The following CCSER1 variants were observed in gnomAD, a reference collection of about 807,000 sequenced individuals.
CCSER1 encodes the protein coiled-coil serine rich protein 1.
Under a neutral mutation model 82.0 loss-of-function variants are expected in CCSER1, and 41 were observed. That is an observed-to-expected ratio of 0.50 (90% CI 0.39 to 0.65). CCSER1 has a LOEUF of 0.65. CCSER1 is among the 30% of genes least tolerant of loss of function. CCSER1 has a pLI of 0.00. For synonymous variants in CCSER1, 414 were observed against 383.9 expected, an observed-to-expected ratio of 1.08 and a Z score of -0.92; for missense variants, 1,119 against 1,064.2, an observed-to-expected ratio of 1.05 and a Z score of -0.72.
At chr4:90,470,776 A>C (rs905884473) in intron 5 of CCSER1, among the ~76,000 whole-genome samples, 5 of 150,824 alleles carry the variant, frequency 3.3e-5, no homozygotes, top group Non-Finnish European at 5.9e-5. Flanking sequence ...AAAAAAAAAA[A>C]AAAAACAAAA....
chr4:91,296,657 T>C (rs1240615405), intron 10 of CCSER1, among the ~76,000 whole-genome samples: 1 of 149,812 alleles, frequency 6.7e-6, no homozygotes, highest in Non-Finnish European at 1.5e-5. Flanking sequence ...GTAAGATAAA[T>C]ATATATGTAC....
chr4:91,116,502 T>C (rs1327481337), intron 10 of CCSER1, among the ~76,000 whole-genome samples: 1 of 152,212 alleles, frequency 6.6e-6, no homozygotes, highest in African/African-American at 2.4e-5. Context: ...GAAACAGTAA[T>C]GAGCCTCAGT....
At chr4:90,423,203 C>A (rs1756980416) in intron 4 of CCSER1, among the ~76,000 whole-genome samples, 2 of 151,328 alleles carry the variant, frequency 1.3e-5, no homozygotes, top group Non-Finnish European at 2.9e-5. Flanking sequence ...TCAATTTTAC[C>A]AGGTGGTTCT....
At chr4:91,311,014 A>T (rs143938601) in intron 10 of CCSER1, among the ~76,000 whole-genome samples, 1 of 151,990 alleles carries the variant, frequency 6.6e-6, no homozygotes, top group African/African-American at 2.4e-5. Context: ...CTGCTTATGT[A>T]TAACTATTTC....
At chr4:90,133,122 A>G in intron 1 of CCSER1, among the ~76,000 whole-genome samples, 1 of 152,166 alleles carries the variant, frequency 6.6e-6, no homozygotes, top group East Asian at 1.9e-4. Context: ...TAGAGTAAAA[A>G]CTGAAGGCTA....
chr4:90,182,728 T>C (rs539531084), intron 1 of CCSER1, among the ~76,000 whole-genome samples: 12 of 152,256 alleles, frequency 7.9e-5, no homozygotes, highest in African/African-American at 2.9e-4. Context: ...AGAGGAAAGA[T>C]TGACTTTTGA....
intron 10 of CCSER1, among the ~76,000 whole-genome samples, chr4:91,510,915 A>T (rs1308497118): frequency 1.3e-5 from 2 of 152,182 alleles, no homozygotes; most frequent in Admixed American, 6.6e-5. Flanking sequence ...GCCAATTTCC[A>T]GAATGGTGTG....
chr4:91,356,297 G>A (rs994207021), intron 10 of CCSER1, among the ~76,000 whole-genome samples: 4 of 152,224 alleles, frequency 2.6e-5, no homozygotes, highest in Non-Finnish European at 5.9e-5. Context: ...GGGCCGACAT[G>A]CGTTTTTCTT....
intron 7 of CCSER1, among the ~76,000 whole-genome samples, chr4:90,740,848 A>T (rs1391316155): frequency 2.6e-5 from 4 of 152,136 alleles, no homozygotes; most frequent in Non-Finnish European, 5.9e-5. Flanking sequence ...ATATTGGGTC[A>T]TAGTCTGTTT....
At chr4:90,333,296 G>A (rs1026804768) in intron 3 of CCSER1, among the ~76,000 whole-genome samples, 4 of 152,058 alleles carry the variant, frequency 2.6e-5, no homozygotes, top group South Asian at 4.2e-4. Flanking sequence ...AGTTGTAACC[G>A]GGAGTGGTTC....
At chr4:91,400,080 G>T (rs556164932) in intron 10 of CCSER1, among the ~76,000 whole-genome samples, 1 of 152,074 alleles carries the variant, frequency 6.6e-6, no homozygotes, top group Non-Finnish European at 1.5e-5. Flanking sequence ...CTTACATCAT[G>T]CTAGGGCTAA....
chr4:90,979,481 G>T (rs557639723), intron 9 of CCSER1, among the ~76,000 whole-genome samples: 1 of 151,710 alleles, frequency 6.6e-6, no homozygotes, highest in African/African-American at 2.4e-5. Flanking sequence ...TGTTTATATG[G>T]TGTGTGGCTT....
At chr4:91,417,493 A>G (rs1294767074) in intron 10 of CCSER1, among the ~76,000 whole-genome samples, 2 of 152,196 alleles carry the variant, frequency 1.3e-5, no homozygotes, top group African/African-American at 4.8e-5. Flanking sequence ...CATATATACC[A>G]TGGAATACTA....
chr4:91,226,593 G>A (rs1000450020), intron 10 of CCSER1, among the ~76,000 whole-genome samples: 4 of 151,828 alleles, frequency 2.6e-5, no homozygotes, highest in African/African-American at 7.2e-5. Context: ...TAATGGAATC[G>A]TATATGCTAA....
intron 9 of CCSER1, among the ~76,000 whole-genome samples, chr4:90,971,721 A>T (rs1735127241): frequency 6.6e-6 from 1 of 151,940 alleles, no homozygotes; most frequent in South Asian, 2.1e-4. Flanking sequence ...AAAGACAACC[A>T]CAGGCAAATA....
Position 91,210,076 on chromosome 4 carries a change from A to T in CCSER1, c.2217+124082A>T, listed in dbSNP as rs575815123. Among the ~76,000 whole-genome samples the T allele has an allele frequency of 4.6e-5, 7 of 151,830 alleles. No homozygotes were observed. The East Asian group carries it at 1.4e-3, about 29-fold the overall frequency. ...ATCTGGAATATCTTATTATGTCACC[A>T]AGTGAAGATGTGCTCAAAGGATGAT... On this transcript the variant is annotated intron_variant, in intron 10 of 10. Coordinates refer to ENST00000509176, the MANE Select transcript of CCSER1 (RefSeq NM_001145065.2).
At chr4:90,442,467 G>T (rs1760030752) in intron 4 of CCSER1, among the ~76,000 whole-genome samples, 1 of 152,146 alleles carries the variant, frequency 6.6e-6, no homozygotes, top group African/African-American at 2.4e-5. Flanking sequence ...GTTCCACAGA[G>T]TTTTCAGAGT....
intron 7 of CCSER1, among the ~76,000 whole-genome samples, chr4:90,741,592 C>G (rs1289435656): frequency 1.2e-4 from 18 of 152,174 alleles, no homozygotes; most frequent in Admixed American, 1.1e-3. Context: ...AGCAACTGAT[C>G]TCATGTATAG....
intron 10 of CCSER1, among the ~76,000 whole-genome samples, chr4:91,376,429 G>T (rs1473357528): frequency 6.6e-6 from 1 of 152,044 alleles, no homozygotes; most frequent in Admixed American, 6.6e-5. Flanking sequence ...ACACAGGAAA[G>T]GTACAGTAAA....
Sources: gnomAD v4.1 joint callset for allele counts (sites outside exome capture counted in the v4.1 genomes callset) on GRCh38, gnomAD v4.1.1 for gene constraint, MANE v1.5 for transcripts, NCBI Gene and HGNC (gene_info 2026-07-23, HGNC 2026-07-21) for gene names.